Variants in TNKS1BP1 observed in about 807,000 individuals in gnomAD.
TNKS1BP1 encodes 182 kDa tankyrase-1-binding protein.
A neutral mutation model predicts 141.1 loss-of-function variants in TNKS1BP1; 48 were observed. The observed-to-expected ratio is 0.34, with a 90% CI of 0.27 to 0.43. The LOEUF is 0.43. TNKS1BP1 is among the 20% of genes least tolerant of loss of function. TNKS1BP1 has a pLI of 1.00. For synonymous variants in TNKS1BP1, 875 were observed against 898.2 expected (o/e 0.97, Z 0.46); for missense variants, 2,149 against 2,226.0 (o/e 0.97, Z 0.70).
At chr11:57,314,854 C>T (rs191844148) in intron 4 of TNKS1BP1, among the ~76,000 whole-genome samples, 14 of 152,292 alleles carry the variant, frequency 9.2e-5, no homozygotes, top group African/African-American at 3.4e-4. Context: ...CCTACTAGGC[C>T]TGGGCAAAAT....
chr11:57,309,029 T>G lies in TNKS1BP1; in HGVS notation c.3682A>C (p.Thr1228Pro). 6.2e-7 allele frequency: 1 copy of G among 1,614,066 alleles called. No individual in the cohort carries two copies. Among genetic ancestry groups the G allele is most frequent in the Non-Finnish European group, 8.5e-7 (1 of 1,180,008 alleles). ...TTGCTCTTCACATTAACATCAGAAGTCCAGTCCTTCTCCCCAACTCCGATT... is the reference window on the plus strand; with the variant it reads ...TTGCTCTTCACATTAACATCAGAAGGCCAGTCCTTCTCCCCAACTCCGATT... ...GGIGVGEKDW[T>P]SDVNVKSKDL... Residue 1228 changes from threonine (T) to proline (P), a missense_variant, in exon 6 of 12, where the codon ACT becomes CCT. Coordinates refer to ENST00000358252, the MANE Select transcript of TNKS1BP1 (RefSeq NM_033396.3). This position sits in a 1 kb window ranked among gnomAD's most constrained non-coding sequence, Gnocchi z 4.3.
At position 57,309,990 on chromosome 11, in the gene TNKS1BP1, T is replaced by C. The variant is rs10896602; in HGVS notation, c.2721A>G (p.Gln907=). ...CATGGTGGTCCCTCTTCCCCAAATC[T>C]TGGCCCTGCTCGTTGGCATCTTGGC... is the stretch of plus-strand genomic sequence containing the variant. ...YASQDANEQG[Q]DLGKRDHHGR... Residue 907 remains glutamine, a synonymous_variant, in exon 6 of 12, where the codon CAA becomes CAG. Transcript: ENST00000358252. The surrounding 1 kb of genome is among the most constrained non-coding windows in gnomAD (Gnocchi z 4.3). 524,004 of 1,613,890 alleles carry C rather than the reference T, an allele frequency of 0.32. 86,757 individuals are homozygous for C. Among genetic ancestry groups the C allele is most frequent in the African/African-American group, 0.43 (32,499 of 74,910 alleles).
rs778391058 is a variant in TNKS1BP1 at position 57,310,348 on chromosome 11, C to T, written c.2363G>A (p.Arg788Lys). ...YGQGAGEGST[R>K]EWASRCGIGQ... ...GATGCCACACCTGCTGGCCCACTCC[C>T]TGGTGCTCCCTTCCCCTGCTCCTTG... is the stretch of plus-strand genomic sequence containing the variant. Residue 788 changes from arginine to lysine, a missense_variant, in exon 6 of 12, where the codon AGG becomes AAG. Arg to Lys is a conservative substitution (Grantham distance 26). Transcript: ENST00000358252. 5.0e-6 allele frequency: 8 copies of T among 1,613,988 alleles called. No homozygotes were observed. Among genetic ancestry groups the T allele is most frequent in the Non-Finnish European group, 6.8e-6 (8 of 1,180,042 alleles).
intron 1 of TNKS1BP1, among the ~76,000 whole-genome samples, chr11:57,323,939 C>A (rs562477431): frequency 5.3e-5 from 8 of 152,282 alleles, no homozygotes; most frequent in Admixed American, 1.3e-4. Context: ...TCCCCAGGTG[C>A]GGAGGTGGCC....
rs1855653297 is a variant in TNKS1BP1, at chr11:57,308,724, T to A, written c.3987A>T (p.Gly1329=). The change falls in exon 6 of 12, where the codon GGA becomes GGT. Residue 1329 remains glycine, a synonymous_variant. Coordinates refer to ENST00000358252, the MANE Select transcript of TNKS1BP1 (RefSeq NM_033396.3). The part of the protein sequence containing the change: ...DLEVTCDPDS[G]GSQGLRGCGV... Reference sequence around the variant, plus strand: ...CACATCCCCGTAGCCCCTGAGAACCTCCAGAGTCTGGGTCACAGGTCACCT... The same window carrying A: ...CACATCCCCGTAGCCCCTGAGAACCACCAGAGTCTGGGTCACAGGTCACCT... 1 of 1,613,236 alleles carries A rather than the reference T, an allele frequency of 6.2e-7. No individual in the cohort carries two copies. Among genetic ancestry groups the A allele is most frequent in the Non-Finnish European group, 8.5e-7 (1 of 1,179,962 alleles).
chr11:57,313,350 C>A lies in TNKS1BP1; in HGVS notation c.1338G>T (p.Ser446=), dbSNP rs748693299. Residue 446 remains serine (S), a synonymous_variant, in exon 5 of 12, where the codon TCG becomes TCT. Transcript: ENST00000358252. ...CCTGGCCTTGGGGCAGGGCAGCCAG[C>A]GAGCCCCCCAGCTTCTCCTGGTCCT... ...PSQDQEKLGG[S]LAALPQGQGS... 1.2e-6 allele frequency: 2 copies of A among 1,612,526 alleles called. No homozygotes were observed. Among genetic ancestry groups the A allele is most frequent in the South Asian group, 1.1e-5 (1 of 91,016 alleles).
chr11:57,324,458 G>A (rs1377575592), intron 1 of TNKS1BP1, among the ~76,000 whole-genome samples: 2 of 146,262 alleles, frequency 1.4e-5, no homozygotes, highest in Non-Finnish European at 3.0e-5. Flanking sequence ...GGTGGGGGCG[G>A]ACTGGGGTGG....
intron 6 of TNKS1BP1, chr11:57,303,072 G>A (rs1855553261): frequency 2.3e-6 from 1 of 442,556 alleles, no homozygotes; most frequent in African/African-American, 2.0e-5. Flanking sequence ...AAACAGCTCA[G>A]GCTCCTCTAA....
intron 10 of TNKS1BP1, 60 bp from the exon 11 acceptor site, chr11:57,300,660 G>T: frequency 6.2e-7 from 1 of 1,607,784 alleles, no homozygotes; most frequent in South Asian, 1.1e-5. Flanking sequence ...ACACAACAAG[G>T]AGACGTGATA....
At position 57,309,697 on chromosome 11, in the gene TNKS1BP1, A is replaced by G. The variant is rs1855673636; in HGVS notation, c.3014T>C (p.Val1005Ala). ...GCTGCCCTCTCCAAGGCTGTCTTCC[A>G]CACTTGGAATCTTCTTCTCAAATTC... ...DEEFEKKIPS[V>A]EDSLGEGSRD... is the part of the protein sequence containing the mutation. Residue 1005 changes from valine (V) to alanine (A), a missense_variant, in exon 6 of 12, where the codon GTG becomes GCG. Transcript: ENST00000358252. The surrounding 1 kb of genome is among the most constrained non-coding windows in gnomAD (Gnocchi z 4.3). 1 of 1,614,148 alleles carries G rather than the reference A, an allele frequency of 6.2e-7. No homozygotes were observed. The highest frequency in any genetic ancestry group is 8.5e-7 in the Non-Finnish European group (1 of 1,180,010).
At position 57,304,641 on chromosome 11, in the gene TNKS1BP1, A is replaced by G. The variant is rs189902655; in HGVS notation, c.4317-1816T>C. 8.5e-5 allele frequency among the ~76,000 whole-genome samples: 13 copies of G among 152,234 alleles called. No homozygotes were observed. In the East Asian group the frequency reaches 2.5e-3, roughly 29 times the overall value. ...TCCCAGCACTTTGGGAGGCCAAAAC[A>G]GGCGGATCACCTGAGGTCAGGAGTT... On this transcript the variant is annotated intron_variant, in intron 6 of 11. Transcript: ENST00000358252.
At chr11:57,315,746 A>G (rs1590592020) in intron 4 of TNKS1BP1, among the ~76,000 whole-genome samples, 1 of 132,556 alleles carries the variant, frequency 7.5e-6, no homozygotes, top group Non-Finnish European at 1.6e-5. Flanking sequence ...ACCCCCGACA[A>G]CCCCCCCACC....
rs748352522 is a variant in TNKS1BP1, at chr11:57,312,587, G to C, written c.2101C>G (p.Arg701Gly). Reference protein sequence around the residue: ...SPPPSGGGARRGAGAELKDTQ... With the variant: ...SPPPSGGGARGGAGAELKDTQ... ...TCCTTCAGCTCAGCTCCAGCTCCCC[G>C]CCTTGCACCGCCACCACTGGGTGGT... The change falls in exon 5 of 12, where the codon CGG becomes GGG. Residue 701 changes from arginine to glycine, a missense_variant. By Grantham distance (125) the Arg-to-Gly change is moderately radical. Transcript: ENST00000358252. The C allele has an allele frequency of 1.4e-5, 22 of 1,520,364 alleles. No individual in the cohort carries two copies. The East Asian group carries it at 5.0e-4, about 35-fold the overall frequency. The allele number at this position is 1,520,364 out of a possible 1,614,324, so 94.2% of individuals were successfully genotyped here.
intron 1 of TNKS1BP1, chr11:57,322,253 C>G (rs1855900036): frequency 1.9e-6 from 2 of 1,059,100 alleles, no homozygotes; most frequent in South Asian, 6.6e-5. Context: ...CACAGTGCCC[C>G]TTGGGTAGGA....
At chr11:57,310,725 C>T (rs1855693354) in intron 5 of TNKS1BP1, among the ~76,000 whole-genome samples, 169 bp from the exon 6 acceptor site, 1 of 152,236 alleles carries the variant, frequency 6.6e-6, no homozygotes. Flanking sequence ...TCAGCGTCCT[C>T]ATCCTTAAAC....
chr11:57,316,882 C>T (rs1855807557), intron 4 of TNKS1BP1, among the ~76,000 whole-genome samples: 1 of 152,192 alleles, frequency 6.6e-6, no homozygotes, highest in South Asian at 2.1e-4. Context: ...GCCTGTTGCT[C>T]TCACTGAAGC....
At chr11:57,323,890 G>A (rs1481531620) in intron 1 of TNKS1BP1, among the ~76,000 whole-genome samples, 1 of 152,210 alleles carries the variant, frequency 6.6e-6, no homozygotes, top group Non-Finnish European at 1.5e-5. Flanking sequence ...GGGCCCCTCT[G>A]CGGTATGAGG....
Position 57,308,683 on chromosome 11 carries a change from T to C in TNKS1BP1, c.4028A>G (p.Asp1343Gly). ...GLRGCGVGQM[D>G]WTQDLAPQNV... The stretch of plus-strand genomic sequence containing the variant: ...CTGGGGCGCCAAGTCCTGGGTCCAG[T>C]CCATCTGCCCCACTCCACATCCCCG... The change falls in exon 6 of 12, where the codon GAC becomes GGC. Residue 1343 changes from aspartate (D) to glycine (G), a missense_variant. Physicochemically the swap from Asp to Gly is moderately conservative, Grantham distance 94. Coordinates refer to ENST00000358252, the MANE Select transcript of TNKS1BP1 (RefSeq NM_033396.3). The C allele has an allele frequency of 6.2e-7, 1 of 1,612,836 alleles. No homozygotes were observed. The highest frequency in any genetic ancestry group is 8.5e-7 in the Non-Finnish European group (1 of 1,179,966).
intron 3 of TNKS1BP1, 52 bp downstream of exon 3, chr11:57,320,016 CACCCAATCCCA>C: frequency 8.0e-7 from 1 of 1,246,410 alleles, no homozygotes; most frequent in Non-Finnish European, 1.2e-6. Context: ...CCCCAGCCCC[CACCCAATCCCA>C]CCCCACCTGA....
Sources: gnomAD v4.1 joint callset for allele counts (sites outside exome capture counted in the v4.1 genomes callset) on GRCh38, gnomAD v4.1.1 for gene constraint, Gnocchi (gnomAD v3.1) non-coding constraint, MANE v1.5 for transcripts, NCBI Gene and HGNC (gene_info 2026-07-23, HGNC 2026-07-21) for gene names.